Variants in PAQR8 observed in about 807,000 individuals in gnomAD.
PAQR8 encodes the protein membrane progestin receptor beta.
PAQR8 carries 17 observed loss-of-function variants against 25.2 expected under a neutral mutation model. The ratio of observed to expected loss-of-function variants is 0.67; its 90% confidence interval spans 0.46 to 1.01. PAQR8 has a LOEUF of 1.01. PAQR8 is among the 50% of genes least tolerant of loss of function. PAQR8 has a pLI of 0.00. For missense variants in PAQR8, 392 were observed against 448.4 expected (o/e 0.87, Z 1.14); for synonymous variants, 204 against 190.6 (o/e 1.07, Z -0.58).
At chr6:52,371,673 T>C (rs1334412175) in intron 1 of PAQR8, among the ~76,000 whole-genome samples, 2 of 152,234 alleles carry the variant, frequency 1.3e-5, no homozygotes, top group Non-Finnish European at 2.9e-5. Context: ...GGTAATAATA[T>C]ATCCATGCAT....
intron 1 of PAQR8, among the ~76,000 whole-genome samples, chr6:52,368,561 A>C (rs1443126334): frequency 6.6e-6 from 1 of 152,172 alleles, no homozygotes; most frequent in Non-Finnish European, 1.5e-5. Flanking sequence ...AGTCTTGGGT[A>C]TATGTTGGCT....
intron 1 of PAQR8, among the ~76,000 whole-genome samples, chr6:52,396,140 G>GT (rs1475845558): frequency 6.6e-6 from 1 of 152,220 alleles, no homozygotes; most frequent in African/African-American, 2.4e-5. Context: ...TAATGGGAAA[G>GT]TAAGTGGAGT....
At chr6:52,394,881 C>G (rs926870246) in intron 1 of PAQR8, among the ~76,000 whole-genome samples, 1 of 151,944 alleles carries the variant, frequency 6.6e-6, no homozygotes, top group African/African-American at 2.4e-5. Context: ...GCTAAAATGT[C>G]AGATTTTTAA....
intron 1 of PAQR8, among the ~76,000 whole-genome samples, chr6:52,396,060 A>G (rs1763763748): frequency 6.6e-6 from 1 of 152,212 alleles, no homozygotes; most frequent in Non-Finnish European, 1.5e-5. Context: ...TGTCTTCTAT[A>G]TGCCAGATAT....
At chr6:52,392,590 ACTTTGTTAATTTGGGAAAGGC>A (rs1763722725) in intron 1 of PAQR8, among the ~76,000 whole-genome samples, 2 of 152,264 alleles carry the variant, frequency 1.3e-5, no homozygotes, top group South Asian at 4.1e-4. Context: ...TTAATTCCCC[ACTTTGTTAATTTGGGAAAGGC>A]TTTTTAGGTA....
chr6:52,383,656 G>A (rs1160946435), intron 1 of PAQR8, among the ~76,000 whole-genome samples: 7 of 51,330 alleles, frequency 1.4e-4, no homozygotes, highest in African/African-American at 3.5e-4. Context: ...GCGAGAGTCC[G>A]TCTCAAAAAA....
At chr6:52,363,942 A>G (rs919282014) in intron 1 of PAQR8, among the ~76,000 whole-genome samples, 1 of 152,104 alleles carries the variant, frequency 6.6e-6, no homozygotes, top group African/African-American at 2.4e-5. Context: ...ATTATTAGTT[A>G]AATGTTGACT....
intron 1 of PAQR8, among the ~76,000 whole-genome samples, chr6:52,371,423 G>A (rs1307459048): frequency 6.6e-6 from 1 of 152,060 alleles, no homozygotes; most frequent in African/African-American, 2.4e-5. Flanking sequence ...GTCTATAAAA[G>A]AAGCATGAAT....
intron 1 of PAQR8, among the ~76,000 whole-genome samples, chr6:52,383,891 T>C (rs77627673): frequency 0.033 from 4,978 of 152,228 alleles, 96 homozygotes; most frequent in Middle Eastern, 0.061. Flanking sequence ...GGGCATGTTA[T>C]GTGAGCTAAA....
chr6:52,366,199 GAA>G (rs1763349905), intron 1 of PAQR8, among the ~76,000 whole-genome samples: 1 of 151,946 alleles, frequency 6.6e-6, no homozygotes, highest in Non-Finnish European at 1.5e-5. Context: ...AGAAAGATGG[GAA>G]AGTTTCATCT....
chr6:52,383,514 A>G (rs962835194), intron 1 of PAQR8, among the ~76,000 whole-genome samples: 8 of 151,514 alleles, frequency 5.3e-5, no homozygotes, highest in Non-Finnish European at 1.2e-4. Context: ...ACAAAAAATT[A>G]GCCGGGCGTG....
At chr6:52,392,466 G>A (rs577677979) in intron 1 of PAQR8, among the ~76,000 whole-genome samples, 7 of 152,084 alleles carry the variant, frequency 4.6e-5, no homozygotes, top group Non-Finnish European at 7.4e-5. Flanking sequence ...GATTCACATA[G>A]CATCCTTGTA....
chr6:52,373,256 A>C (rs1367605344), intron 1 of PAQR8, among the ~76,000 whole-genome samples: 2 of 152,228 alleles, frequency 1.3e-5, no homozygotes, highest in Non-Finnish European at 2.9e-5. Context: ...ATATTAATGG[A>C]TTCTATTAGG....
chr6:52,365,084 T>C (rs549664903), intron 1 of PAQR8, among the ~76,000 whole-genome samples: 2 of 152,198 alleles, frequency 1.3e-5, no homozygotes, highest in Middle Eastern at 3.4e-3. Context: ...TCTGTCATTG[T>C]GGATTTTTAC....
intron 1 of PAQR8, among the ~76,000 whole-genome samples, chr6:52,385,152 T>C (rs924923254): frequency 6.6e-6 from 1 of 152,136 alleles, no homozygotes; most frequent in Non-Finnish European, 1.5e-5. Context: ...GGGGGCAGTG[T>C]CCCCCATACT....
Position 52,404,334 on chromosome 6 carries a change from G to A in PAQR8, c.*56G>A. 7.0e-7 allele frequency: 1 copy of A among 1,421,050 alleles called. No individual in the cohort carries two copies. The highest frequency in any genetic ancestry group is 9.4e-7 in the Non-Finnish European group (1 of 1,059,414). The allele number at this position is 1,421,050 out of a possible 1,614,324, so 88.0% of individuals were successfully genotyped here. A position where few individuals can be genotyped will look rare whatever the true frequency, so the allele number is the denominator to read the frequency against. On this transcript the variant is annotated 3_prime_UTR_variant, in exon 2 of 2. Transcript: ENST00000442253. The stretch of plus-strand genomic sequence containing the variant: ...GCCCCTCATAATTTGGAGAAAACTT[G>A]ATACAATAGAAGCTGACTTTTAAGG...
At chr6:52,394,450 G>A (rs1291867066) in intron 1 of PAQR8, among the ~76,000 whole-genome samples, 1 of 152,180 alleles carries the variant, frequency 6.6e-6, no homozygotes, top group Non-Finnish European at 1.5e-5. Flanking sequence ...CCCCAACTTA[G>A]GATGGTGTGA....
chr6:52,383,502 A>G (rs993323829), intron 1 of PAQR8, among the ~76,000 whole-genome samples: 1 of 151,976 alleles, frequency 6.6e-6, no homozygotes, highest in Non-Finnish European at 1.5e-5. Context: ...TCTACTAAAA[A>G]TACAAAAAAT....
At chr6:52,387,326 T>C (rs1189775658) in intron 1 of PAQR8, among the ~76,000 whole-genome samples, 1 of 152,180 alleles carries the variant, frequency 6.6e-6, no homozygotes, top group Non-Finnish European at 1.5e-5. Flanking sequence ...TCACAGCTGA[T>C]AGATGTTCTT....
Sources: allele counts gnomAD v4.1 joint callset (sites outside exome capture counted in the v4.1 genomes callset), GRCh38; gene constraint gnomAD v4.1.1; transcripts MANE v1.5; gene names NCBI Gene and HGNC (gene_info 2026-07-23, HGNC 2026-07-21).